The following TRERF1 variants were observed in gnomAD, a reference collection of about 807,000 sequenced individuals.
The protein encoded by TRERF1 is transcriptional regulating factor 1, also known as transcriptional-regulating factor 1.
Under a neutral mutation model 122.9 loss-of-function variants are expected in TRERF1, and 27 were observed. That is an observed-to-expected ratio of 0.22 (90% confidence interval 0.16 to 0.30). TRERF1 has a LOEUF of 0.30. Among genes scored for constraint, TRERF1 ranks in the 10% least tolerant of loss-of-function variants. The pLI, the probability that TRERF1 is intolerant of heterozygous loss-of-function variation, is 1.00. For synonymous variants in TRERF1, 636 were observed against 641.7 expected (o/e 0.99, Z 0.13); for missense variants, 1,248 against 1,560.3 (o/e 0.80, Z 3.37).
intron 4 of TRERF1, among the ~76,000 whole-genome samples, chr6:42,287,263 G>A (rs983667924): frequency 2.7e-5 from 4 of 149,612 alleles, no homozygotes; most frequent in Non-Finnish European, 5.9e-5. Flanking sequence ...TGCACAATGT[G>A]CACATGTACC....
At chr6:42,363,659 T>C (rs1772197877) in intron 2 of TRERF1, among the ~76,000 whole-genome samples, 1 of 152,166 alleles carries the variant, frequency 6.6e-6, no homozygotes, top group Non-Finnish European at 1.5e-5. Flanking sequence ...GGGTCATTGA[T>C]GATATAAATA....
chr6:42,261,338 T>C (rs1777833971), intron 8 of TRERF1, among the ~76,000 whole-genome samples: 1 of 152,190 alleles, frequency 6.6e-6, no homozygotes, highest in African/African-American at 2.4e-5. Context: ...CTCCAGCTTC[T>C]TGTCCTGTTA....
At chr6:42,387,937 A>G (rs865968167) in intron 2 of TRERF1, among the ~76,000 whole-genome samples, 3 of 152,092 alleles carry the variant, frequency 2.0e-5, no homozygotes, top group African/African-American at 7.2e-5. Context: ...CCTCCCGAGT[A>G]GCTGGAATCA....
At chr6:42,308,704 T>C (rs1029539842) in intron 3 of TRERF1, among the ~76,000 whole-genome samples, 1 of 152,160 alleles carries the variant, frequency 6.6e-6, no homozygotes, top group African/African-American at 2.4e-5. Context: ...AAATATCCCA[T>C]GTTCTTACTT....
intron 4 of TRERF1, among the ~76,000 whole-genome samples, chr6:42,295,276 C>T (rs1784909265): frequency 6.6e-6 from 1 of 152,138 alleles, no homozygotes; most frequent in Non-Finnish European, 1.5e-5. Context: ...GTTGCCAATC[C>T]CTGTTTTACA....
At chr6:42,325,801 G>A (rs1299674177) in intron 3 of TRERF1, among the ~76,000 whole-genome samples, 1 of 152,202 alleles carries the variant, frequency 6.6e-6, no homozygotes, top group Non-Finnish European at 1.5e-5. Flanking sequence ...ATTGAATCCA[G>A]GAGTTCGAAG....
chr6:42,449,432 C>T (rs1475401346), intron 2 of TRERF1, among the ~76,000 whole-genome samples: 1 of 148,272 alleles, frequency 6.7e-6, no homozygotes, highest in Non-Finnish European at 1.5e-5. Context: ...GCCTTCAAGC[C>T]TTTATTACCG....
At chr6:42,231,880 C>T (rs1037304107) in intron 17 of TRERF1, among the ~76,000 whole-genome samples, 1 of 152,178 alleles carries the variant, frequency 6.6e-6, no homozygotes, top group Non-Finnish European at 1.5e-5. Flanking sequence ...TGATTTAGGT[C>T]AAGTCATTTT....
At chr6:42,293,603 C>A (rs764494407) in intron 4 of TRERF1, among the ~76,000 whole-genome samples, 1 of 152,138 alleles carries the variant, frequency 6.6e-6, no homozygotes, top group Non-Finnish European at 1.5e-5. Context: ...CACTCTTGGC[C>A]TCCTGGACCT....
intron 2 of TRERF1, among the ~76,000 whole-genome samples, chr6:42,425,667 C>T (rs568083492): frequency 6.6e-6 from 1 of 151,110 alleles, no homozygotes; most frequent in South Asian, 2.1e-4. Flanking sequence ...CTTCAGCCTC[C>T]CGAGTAGCTG....
chr6:42,310,113 C>T (rs1787983615), intron 3 of TRERF1, among the ~76,000 whole-genome samples: 1 of 137,570 alleles, frequency 7.3e-6, no homozygotes, highest in Non-Finnish European at 1.6e-5. Context: ...CTTTTCTTTT[C>T]TTTTTTAAGA....
intron 2 of TRERF1, among the ~76,000 whole-genome samples, chr6:42,405,506 A>C (rs1780037218): frequency 6.6e-6 from 1 of 152,198 alleles, no homozygotes; most frequent in East Asian, 1.9e-4. Context: ...CAAACTGAAA[A>C]TAGACGGGTC....
intron 15 of TRERF1, among the ~76,000 whole-genome samples, chr6:42,240,047 G>A (rs1420106106): frequency 6.6e-6 from 1 of 151,472 alleles, no homozygotes; most frequent in Admixed American, 6.6e-5. Flanking sequence ...GCTTCACGCC[G>A]GCCTGGGTCT....
intron 2 of TRERF1, among the ~76,000 whole-genome samples, chr6:42,392,718 C>T (rs1048374045): frequency 6.6e-6 from 1 of 152,134 alleles, no homozygotes; most frequent in African/African-American, 2.4e-5. Context: ...GCCATCATCC[C>T]AGCAATTAAA....
chr6:42,445,072 C>T (rs564836474), intron 2 of TRERF1, among the ~76,000 whole-genome samples: 1 of 152,152 alleles, frequency 6.6e-6, no homozygotes, highest in South Asian at 2.1e-4. Flanking sequence ...AGTTTGAGAC[C>T]AGCCTGGCCA....
intron 3 of TRERF1, among the ~76,000 whole-genome samples, chr6:42,305,417 C>T (rs987246799): frequency 2.6e-5 from 4 of 152,112 alleles, no homozygotes; most frequent in African/African-American, 4.8e-5. Context: ...TGACAAATGC[C>T]GCCTCACAGG....
chr6:42,294,493 T>TA (rs961739157), intron 4 of TRERF1, among the ~76,000 whole-genome samples: 6 of 151,862 alleles, frequency 4.0e-5, no homozygotes, highest in Admixed American at 1.3e-4. Context: ...ATGTTGCAAT[T>TA]AAAAAAAATA....
chr6:42,233,340 T>C (rs958250132), intron 16 of TRERF1, among the ~76,000 whole-genome samples: 5 of 147,898 alleles, frequency 3.4e-5, no homozygotes, highest in South Asian at 2.2e-4. Flanking sequence ...GGCTGGAGTG[T>C]GGTGGTGCGG....
chr6:42,235,037 C>G (rs1356250162), intron 16 of TRERF1, among the ~76,000 whole-genome samples: 2 of 152,108 alleles, frequency 1.3e-5, no homozygotes, highest in Non-Finnish European at 2.9e-5. Flanking sequence ...AGCCAGCAAT[C>G]TCTTCTGTTC....
Sources: gnomAD v4.1 joint callset for allele counts (sites outside exome capture counted in the v4.1 genomes callset) on GRCh38, gnomAD v4.1.1 for gene constraint, MANE v1.5 for transcripts, NCBI Gene and HGNC (gene_info 2026-07-23, HGNC 2026-07-21) for gene names.